Variants in ATXN7 observed in about 807,000 individuals in gnomAD.
ATXN7 encodes the protein ataxin 7.
ATXN7 carries 12 observed loss-of-function variants against 70.5 expected under a neutral mutation model. The observed-to-expected ratio is 0.17, with a 90% CI of 0.11 to 0.28. ATXN7 has a LOEUF of 0.28. ATXN7 is among the 10% of genes least tolerant of loss of function. The pLI, the probability that ATXN7 is intolerant of heterozygous loss-of-function variation, is 1.00. For synonymous variants in ATXN7, 498 were observed against 448.7 expected (o/e 1.11, Z -1.39); for missense variants, 1,256 against 1,131.7 (o/e 1.11, Z -1.58).
chr3:63,953,170 C>G (rs1466227579), intron 5 of ATXN7, among the ~76,000 whole-genome samples: 1 of 152,000 alleles, frequency 6.6e-6, no homozygotes, highest in Non-Finnish European at 1.5e-5. Flanking sequence ...AAGTTTTTTC[C>G]TCATTGCTCT....
At chr3:63,866,494 G>C (rs769002313) in intron 1 of ATXN7, among the ~76,000 whole-genome samples, 1 of 152,108 alleles carries the variant, frequency 6.6e-6, no homozygotes, top group Non-Finnish European at 1.5e-5. Context: ...GGGCTCAAGC[G>C]ATCCTCCCGC....
intron 12 of ATXN7, chr3:63,997,515 C>G (rs948999136): frequency 1.1e-5 from 10 of 916,554 alleles, no homozygotes; most frequent in Admixed American, 4.8e-5. Flanking sequence ...ATTTTTGTCT[C>G]GTCCCAGCTC....
intron 8 of ATXN7, among the ~76,000 whole-genome samples, chr3:63,987,741 A>G (rs557041842): frequency 6.6e-6 from 1 of 152,266 alleles, no homozygotes; most frequent in Non-Finnish European, 1.5e-5. Flanking sequence ...TTGTGTCACA[A>G]AACATGAGTA....
chr3:63,984,206 T>C (rs1381906609), intron 8 of ATXN7, among the ~76,000 whole-genome samples: 3 of 150,564 alleles, frequency 2.0e-5, no homozygotes, highest in African/African-American at 4.9e-5. Context: ...AAATATCTCA[T>C]TTTTAAAAAA....
intron 12 of ATXN7, chr3:63,997,601 CTTG>C: frequency 6.5e-7 from 1 of 1,544,562 alleles, no homozygotes; most frequent in Admixed American, 2.0e-5. Flanking sequence ...CATCTCTCAT[CTTG>C]TTATTTTATT....
chr3:63,981,129 G>T (rs957011634), intron 6 of ATXN7, among the ~76,000 whole-genome samples: 2 of 152,176 alleles, frequency 1.3e-5, no homozygotes, highest in Non-Finnish European at 2.9e-5. Flanking sequence ...TCTCAGGGTA[G>T]GGTCCAGCAC....
chr3:63,921,117 C>T (rs1044607052), intron 4 of ATXN7, among the ~76,000 whole-genome samples: 5 of 152,148 alleles, frequency 3.3e-5, no homozygotes, highest in East Asian at 3.8e-4. Flanking sequence ...CCACTCATAA[C>T]GTAAAACTAG....
At chr3:63,996,807 A>G (rs2075768152) in intron 12 of ATXN7, among the ~76,000 whole-genome samples, 1 of 152,164 alleles carries the variant, frequency 6.6e-6, no homozygotes, top group Non-Finnish European at 1.5e-5. Flanking sequence ...CCTTTATGAA[A>G]TAGCCAGTAA....
At chr3:63,983,621 A>T (rs2075524830) in intron 8 of ATXN7, among the ~76,000 whole-genome samples, 1 of 152,112 alleles carries the variant, frequency 6.6e-6, no homozygotes, top group African/African-American at 2.4e-5. Flanking sequence ...TTTAAGAGAA[A>T]AAAAAAACTA....
chr3:63,953,053 C>A (rs1368993771), intron 5 of ATXN7, among the ~76,000 whole-genome samples: 1 of 151,886 alleles, frequency 6.6e-6, no homozygotes, highest in Non-Finnish European at 1.5e-5. Flanking sequence ...TGAATACGTA[C>A]CTTGTTTCAG....
intron 4 of ATXN7, among the ~76,000 whole-genome samples, chr3:63,928,011 T>C (rs1704783660): frequency 6.6e-6 from 1 of 152,260 alleles, no homozygotes; most frequent in African/African-American, 2.4e-5. Flanking sequence ...AATCATATTC[T>C]CATTGTGGTT....
At chr3:63,966,561 G>A (rs573889460) in intron 5 of ATXN7, among the ~76,000 whole-genome samples, 1 of 152,256 alleles carries the variant, frequency 6.6e-6, no homozygotes, top group African/African-American at 2.4e-5. Context: ...GAACGTTACT[G>A]TAAGGAATCT....
rs1053338 is a variant in ATXN7, at chr3:63,982,224, A to G, written c.791A>G (p.Lys264Arg). The change falls in exon 7 of 13, where the codon AAA becomes AGA. Residue 264 changes from lysine (K) to arginine (R), a missense_variant. Transcript: ENST00000674280. Reference protein sequence around the residue: ...PSVKVEKIHPKMDGTLLKSAV... With the variant: ...PSVKVEKIHPRMDGTLLKSAV... ...GTGAAAGTGGAAAAGATTCATCCGA[A>G]AATGGATGGCACACTACTGAAATCT... 213,683 of 1,613,974 alleles carry G rather than the reference A, an allele frequency of 0.13. 14,812 individuals carry two copies. Among genetic ancestry groups the G allele is most frequent in the Admixed American group, 0.19 (11,528 of 59,994 alleles).
intron 1 of ATXN7, among the ~76,000 whole-genome samples, chr3:63,866,655 T>G (rs1482541382): frequency 6.6e-6 from 1 of 152,232 alleles, no homozygotes; most frequent in Non-Finnish European, 1.5e-5. Flanking sequence ...GCAATTGCAT[T>G]GACACAGATC....
intron 10 of ATXN7, 44 bp from the exon 11 acceptor site, chr3:63,990,694 C>CA (rs1173075813): frequency 6.2e-6 from 10 of 1,613,762 alleles, no homozygotes; most frequent in Admixed American, 3.3e-5. Flanking sequence ...CTGGGCATGC[C>CA]AGTGTGGGAG....
intron 4 of ATXN7, among the ~76,000 whole-genome samples, chr3:63,926,785 T>A (rs2107329961): frequency 6.6e-6 from 1 of 152,206 alleles, no homozygotes; most frequent in South Asian, 2.1e-4. Context: ...CACCGTTTTT[T>A]TTAATTTGTC....
intron 5 of ATXN7, among the ~76,000 whole-genome samples, chr3:63,960,079 A>G (rs2075102206): frequency 6.6e-6 from 1 of 152,234 alleles, no homozygotes; most frequent in Non-Finnish European, 1.5e-5. Flanking sequence ...TGACTGGGGC[A>G]GACCACTTTA....
intron 4 of ATXN7, among the ~76,000 whole-genome samples, chr3:63,943,477 G>C (rs569562108): frequency 6.6e-6 from 1 of 152,178 alleles, no homozygotes; most frequent in African/African-American, 2.4e-5. Flanking sequence ...ACCAAAGGAC[G>C]ACAGTGGAGA....
intron 1 of ATXN7, among the ~76,000 whole-genome samples, chr3:63,897,268 T>A (rs1347722028): frequency 6.6e-6 from 1 of 152,154 alleles, no homozygotes; most frequent in East Asian, 1.9e-4. Context: ...TGGGAAGGAA[T>A]TAGAAATCTG....
Sources: gnomAD v4.1 joint callset for allele counts (sites outside exome capture counted in the v4.1 genomes callset) on GRCh38, gnomAD v4.1.1 for gene constraint, MANE v1.5 for transcripts, NCBI Gene and HGNC (gene_info 2026-07-23, HGNC 2026-07-21) for gene names.